NLN: variants seen among roughly 807,000 people sequenced by gnomAD.
The protein encoded by NLN is neurolysin, mitochondrial.
In NLN, 64 loss-of-function variants were observed where a neutral mutation model predicts 79.9. The ratio of observed to expected loss-of-function variants is 0.80; its 90% confidence interval spans 0.65 to 0.99. The LOEUF is 0.99. Among genes scored for constraint, NLN ranks in the 50% least tolerant of loss-of-function variants. The pLI is 0.00. For missense variants in NLN, 835 were observed against 858.7 expected (o/e 0.97, Z 0.34); for synonymous variants, 267 against 296.6 (o/e 0.90, Z 1.02).
chr5:65,797,717 A>G (rs992403871), intron 9 of NLN, among the ~76,000 whole-genome samples: 11 of 152,228 alleles, frequency 7.2e-5, no homozygotes, highest in Non-Finnish European at 5.9e-5. Context: ...TCTTGAAACT[A>G]TGCTTATGTA....
chr5:65,820,705 A>G (rs1760772718), intron 12 of NLN, among the ~76,000 whole-genome samples: 1 of 148,046 alleles, frequency 6.8e-6, no homozygotes, highest in South Asian at 2.1e-4. Flanking sequence ...AGAACAGGCA[A>G]GAAATGACAT....
intron 3 of NLN, among the ~76,000 whole-genome samples, chr5:65,764,754 T>C (rs1029043239): frequency 4.6e-5 from 7 of 152,240 alleles, no homozygotes; most frequent in African/African-American, 1.7e-4. Context: ...ATAATTTTTA[T>C]TGTGTGAACA....
chr5:65,813,049 C>T (rs2561195), intron 12 of NLN, among the ~76,000 whole-genome samples: 109,500 of 152,150 alleles, frequency 0.72, 39,753 homozygotes, highest in African/African-American at 0.8. Flanking sequence ...TTAAATTCTT[C>T]GATTCAGAAA....
chr5:65,821,361 C>A (rs1005692507), intron 12 of NLN, among the ~76,000 whole-genome samples: 2 of 152,060 alleles, frequency 1.3e-5, no homozygotes, highest in Non-Finnish European at 2.9e-5. Context: ...AGCTGTTGAG[C>A]GCTTGAAATG....
chr5:65,769,504 T>A (rs964739861), intron 3 of NLN, among the ~76,000 whole-genome samples: 2 of 152,218 alleles, frequency 1.3e-5, no homozygotes, highest in Non-Finnish European at 2.9e-5. Flanking sequence ...AAACATTTCA[T>A]GTGCCCCATA....
At chr5:65,775,329 A>G (rs550628549) in intron 3 of NLN, among the ~76,000 whole-genome samples, 2 of 152,312 alleles carry the variant, frequency 1.3e-5, no homozygotes, top group South Asian at 4.1e-4. Flanking sequence ...TCCTGAGCTC[A>G]TGGCCAAATG....
chr5:65,724,675 G>A (rs1453228707), intron 1 of NLN, among the ~76,000 whole-genome samples: 1 of 152,088 alleles, frequency 6.6e-6, no homozygotes, highest in South Asian at 2.1e-4. Flanking sequence ...GTTTTCTTCA[G>A]TGGCTGTACC....
In NLN at chr5:65,788,478, A is replaced by G. The variant is rs1045796980; in HGVS notation, c.1319A>G (p.Tyr440Cys). 6 of 1,612,634 alleles carry G rather than the reference A, an allele frequency of 3.7e-6. No homozygotes were observed. The African/African-American group carries it at 5.3e-5, about 14-fold the overall frequency. Reference sequence around the variant, plus strand: ...TTGGGACAGTTCTATTTGGACCTCTATCCAAGGTACTGAGGATCACGTTGT... The same window carrying G: ...TTGGGACAGTTCTATTTGGACCTCTGTCCAAGGTACTGAGGATCACGTTGT... ...EVLGQFYLDLYPREGKYNHAA... is the reference protein window; with the variant it reads ...EVLGQFYLDLCPREGKYNHAA... The change falls in exon 8 of 13, where the codon TAT (tyrosine) becomes TGT (cysteine). Residue 440 changes from tyrosine (Y) to cysteine (C), a missense_variant. By Grantham distance (194) the Tyr-to-Cys change is radical. Coordinates refer to ENST00000380985, the MANE Select transcript of NLN (RefSeq NM_020726.5).
At chr5:65,764,919 T>A (rs1470640024) in intron 3 of NLN, among the ~76,000 whole-genome samples, 1 of 152,206 alleles carries the variant, frequency 6.6e-6, no homozygotes, top group African/African-American at 2.4e-5. Context: ...GCAATTTTTT[T>A]AAAAACCTAG....
chr5:65,735,890 TTCTTTC>T (rs1758716845), intron 1 of NLN, among the ~76,000 whole-genome samples: 1 of 152,214 alleles, frequency 6.6e-6, no homozygotes, highest in African/African-American at 2.4e-5. Flanking sequence ...GAACATTCTT[TTCTTTC>T]TCTCCCATTT....
At chr5:65,753,645 A>T (rs572125170) in intron 1 of NLN, among the ~76,000 whole-genome samples, 2 of 150,038 alleles carry the variant, frequency 1.3e-5, no homozygotes, top group Non-Finnish European at 3.0e-5. Flanking sequence ...GTGAGACTCT[A>T]TCTCCAAAAA....
intron 8 of NLN, 96 bp from the exon 9 acceptor site, chr5:65,792,358 G>C: frequency 1.3e-6 from 1 of 742,694 alleles, no homozygotes; most frequent in Non-Finnish European, 2.3e-6. Context: ...GGCATCTCTG[G>C]TAACAGATAT....
At chr5:65,814,160 C>G (rs1760618450) in intron 12 of NLN, among the ~76,000 whole-genome samples, 1 of 152,104 alleles carries the variant, frequency 6.6e-6, no homozygotes, top group South Asian at 2.1e-4. Context: ...GAAGTCTTTG[C>G]AAACCTCTCT....
chr5:65,766,749 A>G (rs977351444), intron 3 of NLN, among the ~76,000 whole-genome samples: 1 of 152,244 alleles, frequency 6.6e-6, no homozygotes, highest in African/African-American at 2.4e-5. Context: ...TGTAAAATCA[A>G]AGACAAGTTA....
intron 2 of NLN, among the ~76,000 whole-genome samples, chr5:65,760,494 G>T (rs953204299): frequency 6.6e-6 from 1 of 152,102 alleles, no homozygotes; most frequent in Non-Finnish European, 1.5e-5. Flanking sequence ...AGTCACTTGT[G>T]GCCAAGATGG....
chr5:65,762,817 G>C lies in NLN; in HGVS notation c.302-143G>C. 1.3e-5 allele frequency: 9 copies of C among 690,134 alleles called. No individual in the cohort carries two copies. The South Asian group carries it at 1.7e-4, about 13-fold the overall frequency. 42.8% of individuals were successfully genotyped at this position (690,134 alleles called of 1,614,324 possible). On this transcript the variant is annotated intron_variant, in intron 2 of 12. Coordinates refer to ENST00000380985, the MANE Select transcript of NLN (RefSeq NM_020726.5). The stretch of plus-strand genomic sequence containing the variant: ...AATCCTATATTAGATGCTTTTTCTT[G>C]GTAGCCTTAGGAGGCTTTACAGAAA...
intron 2 of NLN, 66 bp downstream of exon 2, chr5:65,758,892 C>T: frequency 1.4e-6 from 2 of 1,412,792 alleles, no homozygotes; most frequent in East Asian, 4.6e-5. Context: ...TTCATGCTTT[C>T]TGTCTTTCAG....
intron 1 of NLN, among the ~76,000 whole-genome samples, chr5:65,730,491 TAGG>T (rs1758580942): frequency 6.6e-6 from 1 of 151,984 alleles, no homozygotes; most frequent in Non-Finnish European, 1.5e-5. Context: ...GGCAAGTAAG[TAGG>T]AGATGAGACA....
intron 1 of NLN, among the ~76,000 whole-genome samples, 177 bp downstream of exon 1, chr5:65,722,591 G>T (rs1002329884): frequency 3.9e-5 from 6 of 152,240 alleles, no homozygotes; most frequent in Non-Finnish European, 7.3e-5. Flanking sequence ...GCCACCTGGG[G>T]CCACCTTTCC....
Sources: gnomAD v4.1 joint callset for allele counts (sites outside exome capture counted in the v4.1 genomes callset) on GRCh38, gnomAD v4.1.1 for gene constraint, MANE v1.5 for transcripts, NCBI Gene and HGNC (gene_info 2026-07-23, HGNC 2026-07-21) for gene names.